Variants in KAT7 observed in about 807,000 individuals in gnomAD.
The protein encoded by KAT7 is lysine acetyltransferase 7.
Under a neutral mutation model 82.1 loss-of-function variants are expected in KAT7, and 10 were observed. The observed-to-expected ratio is 0.12, with a 90% CI of 0.08 to 0.21. The LOEUF is 0.21. KAT7 is among the 10% of genes least tolerant of loss of function. The probability of loss-of-function intolerance (pLI) is 1.00; values close to 1 mark genes in which losing one functional copy is unlikely to be tolerated. For synonymous variants in KAT7, 250 were observed against 262.5 expected (o/e 0.95, Z 0.46); for missense variants, 378 against 760.9 (o/e 0.50, Z 5.92).
intron 12 of KAT7, 47 bp from the exon 13 acceptor site, chr17:49,825,953 A>G: frequency 1.3e-6 from 2 of 1,574,682 alleles, no homozygotes; most frequent in East Asian, 2.3e-5. Context: ...TGCTATTAGG[A>G]TAAGATCGAG....
intron 6 of KAT7, among the ~76,000 whole-genome samples, chr17:49,810,442 A>G (rs2074148305): frequency 2.0e-5 from 3 of 152,116 alleles, no homozygotes; most frequent in Admixed American, 2.0e-4. Flanking sequence ...TTTTTAGTAG[A>G]GACAGGGTTT....
At chr17:49,804,494 C>T (rs1217542371) in intron 4 of KAT7, among the ~76,000 whole-genome samples, 1 of 152,074 alleles carries the variant, frequency 6.6e-6, no homozygotes, top group Admixed American at 6.5e-5. Context: ...GTGTTACTGC[C>T]TGTTTCAGGC....
chr17:49,792,988 T>A (rs1018261706), intron 2 of KAT7, among the ~76,000 whole-genome samples: 3 of 152,100 alleles, frequency 2.0e-5, no homozygotes, highest in Non-Finnish European at 2.9e-5. Context: ...GTTTTCTTTG[T>A]TTTTTGTAGA....
At chr17:49,795,720 AT>A in intron 2 of KAT7, 1 of 228,676 alleles carries the variant, frequency 4.4e-6, no homozygotes, top group South Asian at 8.3e-5. Context: ...CTGAATTGTT[AT>A]TTTTTCCTTT....
intron 6 of KAT7, among the ~76,000 whole-genome samples, chr17:49,810,798 G>A (rs1356287139): frequency 6.6e-6 from 1 of 152,078 alleles, no homozygotes; most frequent in Non-Finnish European, 1.5e-5. Flanking sequence ...TAAAGGTGGT[G>A]GGTGATGAGA....
chr17:49,804,501 A>G (rs926671075), intron 4 of KAT7, among the ~76,000 whole-genome samples: 5 of 152,136 alleles, frequency 3.3e-5, no homozygotes, highest in Non-Finnish European at 5.9e-5. Flanking sequence ...TGCCTGTTTC[A>G]GGCGTGGCTC....
chr17:49,798,426 G>T lies in KAT7; in HGVS notation c.448G>T (p.Asp150Tyr). The T allele has an allele frequency of 6.2e-7, 1 of 1,614,156 alleles. No individual in the cohort carries two copies. Among genetic ancestry groups the T allele is most frequent in the Non-Finnish European group, 8.5e-7 (1 of 1,180,024 alleles). The part of the protein sequence containing the change: ...IDISSPNVSH[D>Y]ESIAKDMSLK... ...CATCTCCAGCCCCAATGTATCTCAC[G>T]ATGAGAGCATTGCCAAGGACATGTC... The change falls in exon 4 of 15, where the codon GAT (aspartate) becomes TAT (tyrosine). Residue 150 changes from aspartate to tyrosine, a missense_variant. Asp to Tyr is a radical substitution (Grantham distance 160, BLOSUM62 -3). This residue lies in a region of KAT7 where 161 missense variants were observed against 229.6 expected (regional missense o/e 0.70). Transcript: ENST00000259021.
intron 9 of KAT7, among the ~76,000 whole-genome samples, chr17:49,820,209 A>G (rs532961170): frequency 3.9e-5 from 6 of 151,924 alleles, no homozygotes; most frequent in African/African-American, 1.2e-4. Context: ...TGATCGTGCT[A>G]TTTCAGCCTG....
intron 7 of KAT7, among the ~76,000 whole-genome samples, chr17:49,814,547 T>C (rs1231993595): frequency 6.6e-6 from 1 of 152,224 alleles, no homozygotes. Flanking sequence ...AAACTAAGAC[T>C]GAGAGAGGTA....
chr17:49,815,760 A>T (rs1276370876), intron 7 of KAT7, 43 bp from the exon 8 acceptor site: 2 of 1,170,124 alleles, frequency 1.7e-6, no homozygotes, highest in South Asian at 1.2e-5. Flanking sequence ...AAGTTCTTAG[A>T]AGCAGAGAGT....
intron 11 of KAT7, among the ~76,000 whole-genome samples, chr17:49,822,440 A>G (rs2074316807): frequency 6.6e-6 from 1 of 152,176 alleles, no homozygotes; most frequent in Non-Finnish European, 1.5e-5. Flanking sequence ...CATGTTGGCC[A>G]GGCTGGTCTC....
At chr17:49,821,910 C>A in intron 11 of KAT7, 120 bp downstream of exon 11, 4 of 798,244 alleles carry the variant, frequency 5.0e-6, no homozygotes, top group Non-Finnish European at 8.0e-6. Context: ...GACACCCCTT[C>A]CTTAAATTAA....
intron 9 of KAT7, among the ~76,000 whole-genome samples, chr17:49,819,445 G>A (rs1473544635): frequency 6.6e-6 from 1 of 152,218 alleles, no homozygotes; most frequent in African/African-American, 2.4e-5. Flanking sequence ...GTTTTACTGT[G>A]TGAAAGCGGG....
At position 49,833,434 on chromosome 17, in the gene KAT7, T is replaced by G. The variant is rs1446686636; in HGVS notation, c.*5932T>G. On this transcript the variant is annotated 3_prime_UTR_variant, in exon 15 of 15. Transcript: ENST00000259021. The stretch of plus-strand genomic sequence containing the variant: ...CATCTCCAAAGATGGCCACCAACAG[T>G]TGCTCTCATCCTCTGTGCACGTGCT... The G allele has an allele frequency of 6.6e-6, 1 of 152,224 alleles. No homozygotes were observed. The highest frequency in any genetic ancestry group is 1.5e-5 in the Non-Finnish European group (1 of 68,032). The allele number at this position is 152,224 out of a possible 1,614,324, so 9.4% of individuals were successfully genotyped here.
chr17:49,825,952 G>T (rs1223036502), intron 12 of KAT7, 48 bp from the exon 13 acceptor site: 1 of 1,572,178 alleles, frequency 6.4e-7, no homozygotes, highest in East Asian at 2.3e-5. Flanking sequence ...TTGCTATTAG[G>T]ATAAGATCGA....
At chr17:49,798,697 C>T (rs2073986351) in intron 4 of KAT7, 139 bp downstream of exon 4, 1 of 780,380 alleles carries the variant, frequency 1.3e-6, no homozygotes, top group Non-Finnish European at 2.0e-6. Flanking sequence ...ATGAGTTGCT[C>T]ACTTGAATAA....
At position 49,821,617 on chromosome 17, in the gene KAT7, GCCC is replaced by G. The variant is rs1407609845; in HGVS notation, c.1246-32_1246-30del. ...GCCTTTATCTGTTTAGGAATCAGTG[GCCC>G]ACACATGAACTCTGTTTCTCTGCTT... On this transcript the variant is annotated intron_variant, in intron 10 of 14. Coordinates refer to ENST00000259021, the MANE Select transcript of KAT7 (RefSeq NM_007067.5). 7 of 1,611,480 alleles carry G rather than the reference GCCC, an allele frequency of 4.3e-6. No individual in the cohort carries two copies. The African/African-American group carries it at 9.4e-5, about 22-fold the overall frequency.
At chr17:49,806,443 A>G (rs771372723) in intron 5 of KAT7, among the ~76,000 whole-genome samples, 6 of 152,182 alleles carry the variant, frequency 3.9e-5, no homozygotes, top group African/African-American at 7.2e-5. Flanking sequence ...ATAAGTGGCA[A>G]TTCCTTCTGC....
chr17:49,820,152 C>T (rs2074283908), intron 9 of KAT7, among the ~76,000 whole-genome samples: 1 of 152,128 alleles, frequency 6.6e-6, no homozygotes, highest in Non-Finnish European at 1.5e-5. Context: ...ATCTTAGCTA[C>T]ATGGGAGGAT....
Sources: allele counts gnomAD v4.1 joint callset (sites outside exome capture counted in the v4.1 genomes callset), GRCh38; gene constraint gnomAD v4.1.1; regional missense constraint gnomAD v4.1.1; transcripts MANE v1.5; gene names NCBI Gene and HGNC (gene_info 2026-07-23, HGNC 2026-07-21).